RMDN2: variants seen among roughly 807,000 people sequenced by gnomAD.
The protein encoded by RMDN2 is regulator of microtubule dynamics protein 2.
A neutral mutation model predicts 52.8 loss-of-function variants in RMDN2; 61 were observed. The ratio of observed to expected loss-of-function variants is 1.16; its 90% CI spans 0.94 to 1.43. The LOEUF (loss-of-function observed/expected upper bound fraction) is 1.43. RMDN2 is among the 40% of genes most tolerant of loss of function. The pLI is 0.00. For synonymous variants in RMDN2, 180 were observed against 153.1 expected, an observed-to-expected ratio of 1.18 and a Z score of -1.30; for missense variants, 592 against 475.3, an observed-to-expected ratio of 1.25 and a Z score of -2.28.
At position 38,031,506 on chromosome 2, in the gene RMDN2, C is replaced by T. The variant is rs148471573; in HGVS notation, c.1713+27290C>T. On this transcript the variant is annotated intron_variant, in intron 10 of 10. Transcript: ENST00000234195. ...GCTGTGAATTTTCACTTCTACAGAACTGTAATTTACATTTCATAAAGTAGT... is the reference window on the plus strand; with the variant it reads ...GCTGTGAATTTTCACTTCTACAGAATTGTAATTTACATTTCATAAAGTAGT... Among the ~76,000 whole-genome samples, 332 of 152,146 alleles carry T rather than the reference C, an allele frequency of 2.2e-3. 1 individual carries two copies. Among genetic ancestry groups the T allele is most frequent in the African/African-American group, 7.5e-3 (312 of 41,494 alleles).
intron 2 of RMDN2, chr2:37,951,159 T>C: frequency 7.2e-7 from 1 of 1,388,966 alleles, no homozygotes; most frequent in South Asian, 1.5e-5. Context: ...TGGATATTAT[T>C]CTTCAGGAGG....
chr2:37,954,315 G>C (rs941970772), intron 2 of RMDN2, among the ~76,000 whole-genome samples: 2 of 151,946 alleles, frequency 1.3e-5, no homozygotes, highest in Middle Eastern at 3.2e-3. Context: ...TTTCTTTTAA[G>C]AGTTTTATAG....
chr2:37,944,881 G>T lies in RMDN2; in HGVS notation c.452+15152G>T, dbSNP rs547704402. On this transcript the variant is annotated intron_variant, in intron 2 of 10. Coordinates refer to ENST00000354545, the MANE Select transcript of RMDN2 (RefSeq NM_001170791.3). Reference sequence around the variant, plus strand: ...CGTATTTATGGGCCACAAGGAAGAAGCCAATACAGAGGGCAAGAGTAAAGA... The same window carrying T: ...CGTATTTATGGGCCACAAGGAAGAATCCAATACAGAGGGCAAGAGTAAAGA... Among the ~76,000 whole-genome samples, 44 of 152,220 alleles carry T rather than the reference G, an allele frequency of 2.9e-4. No homozygotes were observed. In the East Asian group the frequency reaches 8.1e-3, roughly 28 times the overall value.
At chr2:37,947,251 T>A (rs902415317) in intron 2 of RMDN2, among the ~76,000 whole-genome samples, 3 of 152,176 alleles carry the variant, frequency 2.0e-5, no homozygotes, top group Non-Finnish European at 4.4e-5. Context: ...AATGTCCATG[T>A]GTACACATTA....
rs1558558902 is a variant in RMDN2, at chr2:38,017,221, GA to G, written c.1216del (p.Thr406LeufsTer3). The G allele has an allele frequency of 2.1e-5, 32 of 1,533,526 alleles. No homozygotes were observed. Among genetic ancestry groups the G allele is most frequent in the Non-Finnish European group, 2.7e-5 (31 of 1,137,924 alleles). The allele number at this position is 1,533,526 out of a possible 1,614,324, so 95.0% of individuals were successfully genotyped here. On this transcript the variant is annotated frameshift_variant, in exon 11 of 11. Transcript: ENST00000354545. LOFTEE classifies it high-confidence loss of function. The part of the protein sequence containing the change: ...EAQKEMQKIM[T>X]SLKR ...CACAGAAAGAGATGCAAAAAATAAT[GA>G]CTTCCTTGAAGAGGTAAATAAACGA... is the stretch of plus-strand genomic sequence containing the variant.
chr2:37,969,511 T>C (rs568807606), intron 2 of RMDN2, among the ~76,000 whole-genome samples: 41 of 151,742 alleles, frequency 2.7e-4, no homozygotes, highest in African/African-American at 8.9e-4. Context: ...ATTTTCTTGT[T>C]TTATAGAGTA....
chr2:37,942,947 A>G (rs1174635287), intron 2 of RMDN2, among the ~76,000 whole-genome samples: 2 of 152,238 alleles, frequency 1.3e-5, no homozygotes, highest in African/African-American at 4.8e-5. Flanking sequence ...CGGCCAAGAA[A>G]AAAGCAATAA....
chr2:38,012,548 G>C (rs1189221014), intron 10 of RMDN2: 2 of 462,158 alleles, frequency 4.3e-6, no homozygotes, highest in African/African-American at 4.0e-5. Context: ...AAGTATTTCT[G>C]TAATAAGCAA....
intron 10 of RMDN2, among the ~76,000 whole-genome samples, chr2:38,010,965 C>G (rs530490354): frequency 3.9e-5 from 6 of 152,184 alleles, no homozygotes; most frequent in Non-Finnish European, 8.8e-5. Flanking sequence ...GAGGCCCCTA[C>G]CAGTTAAAAC....
At chr2:37,982,011 C>G (rs1336933300) in intron 5 of RMDN2, among the ~76,000 whole-genome samples, 1 of 151,830 alleles carries the variant, frequency 6.6e-6, no homozygotes, top group Non-Finnish European at 1.5e-5. Flanking sequence ...CTTTTTCTCT[C>G]CAGCAATACA....
intron 2 of RMDN2, among the ~76,000 whole-genome samples, chr2:37,934,808 A>AT (rs1182040008): frequency 3.9e-5 from 6 of 151,940 alleles, no homozygotes; most frequent in Admixed American, 2.6e-4. Flanking sequence ...AGTTCCTTTT[A>AT]TTTTTTTAAG....
At chr2:37,956,284 G>A (rs1231062767) in intron 2 of RMDN2, among the ~76,000 whole-genome samples, 1 of 152,076 alleles carries the variant, frequency 6.6e-6, no homozygotes, top group Non-Finnish European at 1.5e-5. Context: ...TTAGTAGTTT[G>A]TGTGTTTCCA....
intron 10 of RMDN2, among the ~76,000 whole-genome samples, chr2:38,031,744 C>T (rs1024663061): frequency 1.3e-5 from 2 of 152,218 alleles, no homozygotes; most frequent in African/African-American, 4.8e-5. Flanking sequence ...AAAAGATGCA[C>T]ATCCTCATTT....
chr2:38,031,941 A>G (rs1176467379), intron 10 of RMDN2, among the ~76,000 whole-genome samples: 1 of 152,140 alleles, frequency 6.6e-6, no homozygotes, highest in East Asian at 1.9e-4. Context: ...ATCATACAAC[A>G]AAGCAGATTG....
chr2:37,974,249 C>T (rs1158226484), intron 3 of RMDN2, 35 bp downstream of exon 3: 1 of 1,386,768 alleles, frequency 7.2e-7, no homozygotes, highest in East Asian at 2.6e-5. Flanking sequence ...CGTATAGTTC[C>T]ATTTTTTAAT....
At position 38,017,614 on chromosome 2, in the gene RMDN2, A is replaced by G; in HGVS notation, c.*375A>G. 8.2e-7 allele frequency: 1 copy of G among 1,213,314 alleles called. No individual in the cohort carries two copies. The highest frequency in any genetic ancestry group is 1.4e-5 in the South Asian group (1 of 72,400). 75.2% of individuals were successfully genotyped at this position (1,213,314 alleles called of 1,614,324 possible). On this transcript the variant is annotated 3_prime_UTR_variant, in exon 11 of 11. Transcript: ENST00000354545. ...CAAAATAATTTCATTAATGTGGATGAAAAATGGAAAACTCAGCAAAGGACA... is the reference window on the plus strand; with the variant it reads ...CAAAATAATTTCATTAATGTGGATGGAAAATGGAAAACTCAGCAAAGGACA...
intron 10 of RMDN2, chr2:38,029,421 G>C (rs1389634990): frequency 1.3e-5 from 2 of 152,004 alleles, no homozygotes; most frequent in Non-Finnish European, 2.9e-5. Context: ...CCACCTCAAA[G>C]CCCTGGAGCA....
chr2:38,031,170 C>T (rs1448523911), intron 10 of RMDN2, among the ~76,000 whole-genome samples: 1 of 151,910 alleles, frequency 6.6e-6, no homozygotes, highest in Non-Finnish European at 1.5e-5. Context: ...TAGTAAGGTG[C>T]CCTGTACTAC....
chr2:37,977,304 T>A (rs978511732), intron 4 of RMDN2, among the ~76,000 whole-genome samples: 1 of 152,234 alleles, frequency 6.6e-6, no homozygotes, highest in Admixed American at 6.5e-5. Context: ...CCCTTTTCTA[T>A]TCGACAAAAC....
Sources: allele counts gnomAD v4.1 joint callset (sites outside exome capture counted in the v4.1 genomes callset), GRCh38; gene constraint gnomAD v4.1.1; transcripts MANE v1.5; gene names NCBI Gene and HGNC (gene_info 2026-07-23, HGNC 2026-07-21).